Variants in SYNE1 observed in about 807,000 individuals in gnomAD.
SYNE1 encodes nesprin-1.
SYNE1 carries 616 observed loss-of-function variants against 1,111.0 expected under a neutral mutation model. The observed-to-expected ratio is 0.55, with a 90% CI of 0.52 to 0.59. The LOEUF is 0.59. Ranked by LOEUF, SYNE1 falls within the 20% of genes least tolerant of loss-of-function variation. The pLI, the probability that SYNE1 is intolerant of heterozygous loss-of-function variation, is 0.00. For missense variants in SYNE1, 10,006 were observed against 10,417.0 expected, an observed-to-expected ratio of 0.96 and a Z score of 1.72; for synonymous variants, 3,855 against 3,825.8, an observed-to-expected ratio of 1.01 and a Z score of -0.28.
chr6:152,298,466 T>G (rs958241322), intron 93 of SYNE1, among the ~76,000 whole-genome samples: 1 of 152,238 alleles, frequency 6.6e-6, no homozygotes, highest in Non-Finnish European at 1.5e-5. Context: ...TTATTACATT[T>G]TAGCTAATAG....
intron 93 of SYNE1, among the ~76,000 whole-genome samples, chr6:152,294,742 A>G (rs1292559595): frequency 6.6e-6 from 1 of 152,196 alleles, no homozygotes; most frequent in Admixed American, 6.5e-5. Flanking sequence ...AACAAAGTGA[A>G]TGATGAAATA....
At chr6:152,495,052 A>G (rs565147395) in intron 11 of SYNE1, among the ~76,000 whole-genome samples, 1 of 152,126 alleles carries the variant, frequency 6.6e-6, no homozygotes, top group Non-Finnish European at 1.5e-5. Flanking sequence ...ATCGTTTTTC[A>G]TAACCTCTTC....
Position 152,294,146 on chromosome 6 carries a change from G to C in SYNE1, c.17683-19C>G, listed in dbSNP as rs370118458. On this transcript the variant is annotated intron_variant, in intron 93 of 145. Coordinates refer to ENST00000367255, the MANE Select transcript of SYNE1 (RefSeq NM_182961.4). Reference sequence around the variant, plus strand: ...CAATGTCCTGTGAGTGCAAAGCACAGTATTGAATTAAACAAAAAGACAAAG... The same window carrying C: ...CAATGTCCTGTGAGTGCAAAGCACACTATTGAATTAAACAAAAAGACAAAG... 1.9e-6 allele frequency: 3 copies of C among 1,612,106 alleles called. No homozygotes were observed. The highest frequency in any genetic ancestry group is 1.7e-6 in the Non-Finnish European group (2 of 1,179,682).
At chr6:152,433,202 C>T (rs1465328912) in intron 34 of SYNE1, among the ~76,000 whole-genome samples, 1 of 151,864 alleles carries the variant, frequency 6.6e-6, no homozygotes, top group Non-Finnish European at 1.5e-5. Context: ...GCCCATTTTT[C>T]TTCTTGAACT....
chr6:152,409,338 G>T, intron 43 of SYNE1, 112 bp from the exon 44 acceptor site: 1 of 1,144,764 alleles, frequency 8.7e-7, no homozygotes, highest in Non-Finnish European at 1.3e-6. Flanking sequence ...AGAAATTAGT[G>T]ATAGTGAGAT....
intron 101 of SYNE1, among the ~76,000 whole-genome samples, chr6:152,261,572 C>T (rs774510310): frequency 2.6e-5 from 4 of 152,160 alleles, no homozygotes; most frequent in Admixed American, 6.5e-5. Flanking sequence ...GACCCACCAA[C>T]GTCCCAATAT....
In SYNE1 at chr6:152,352,183, G is replaced by C; in HGVS notation, c.11424C>G (p.His3808Gln). 1 of 1,614,158 alleles carries C rather than the reference G, an allele frequency of 6.2e-7. No individual in the cohort carries two copies. The highest frequency in any genetic ancestry group is 2.2e-5 in the East Asian group (1 of 44,886). ...AATGAAGACCTTTTTCCAGCGTCATGTGTTCTTTCCGGACAGTGCTGGTCA... is the reference window on the plus strand; with the variant it reads ...AATGAAGACCTTTTTCCAGCGTCATCTGTTCTTTCCGGACAGTGCTGGTCA... ...KELTSTVRKEHMTLEKGLHLA... is the reference protein window; with the variant it reads ...KELTSTVRKEQMTLEKGLHLA... The change falls in exon 70 of 146, where the codon CAC becomes CAG. Residue 3808 changes from histidine to glutamine, a missense_variant. This residue lies in a region of SYNE1 where 4,955 missense variants were observed against 5,017.2 expected (regional missense o/e 0.99). Transcript: ENST00000367255.
intron 118 of SYNE1, 123 bp from the exon 119 acceptor site, chr6:152,221,169 T>C: frequency 8.6e-7 from 1 of 1,161,522 alleles, no homozygotes; most frequent in Non-Finnish European, 1.2e-6. Context: ...CTAGTTAACA[T>C]AATAAAAATT....
rs1412767332 is a variant in SYNE1, at chr6:152,381,370, G to A, written c.8653-8C>T. On this transcript the variant is annotated splice_polypyrimidine_tract_variant and splice_region_variant and intron_variant, in intron 55 of 145. Coordinates refer to ENST00000367255, the MANE Select transcript of SYNE1 (RefSeq NM_182961.4). ...TCTGGAATCTATCAGCTCCTGTAATGGAATATCACCATGGTAACTGAAGAG... is the reference window on the plus strand; with the variant it reads ...TCTGGAATCTATCAGCTCCTGTAATAGAATATCACCATGGTAACTGAAGAG... 2 of 1,612,142 alleles carry A rather than the reference G, an allele frequency of 1.2e-6. No homozygotes were observed. The highest frequency in any genetic ancestry group is 2.7e-5 in the African/African-American group (2 of 74,904).
At chr6:152,560,218 T>A (rs1010698248) in intron 3 of SYNE1, among the ~76,000 whole-genome samples, 1 of 151,916 alleles carries the variant, frequency 6.6e-6, no homozygotes, top group African/African-American at 2.4e-5. Context: ...ATAAATAAAT[T>A]AGCTGGGTGT....
At position 152,218,326 on chromosome 6, in the gene SYNE1, T is replaced by C. The variant is rs1397713388; in HGVS notation, c.22122A>G (p.Ile7374Met). 6.2e-7 allele frequency: 1 copy of C among 1,614,132 alleles called. No individual in the cohort carries two copies. Among genetic ancestry groups the C allele is most frequent in the South Asian group, 1.1e-5 (1 of 91,082 alleles). Residue 7374 changes from isoleucine to methionine, a missense_variant, in exon 121 of 146, where the codon ATA becomes ATG. Physicochemically the swap from Ile to Met is conservative, Grantham distance 10. Transcript: ENST00000367255. ...AGTGGCTAGGGTCCTGCCCTTGTAG[T>C]ATTTCTTCAGCTTCCACTATCCAGG... ...LEAWIVEAEE[I>M]LQGQDPSHSS... is the part of the protein sequence containing the mutation.
At chr6:152,409,430 A>T in intron 43 of SYNE1, 129 bp downstream of exon 43, 2 of 1,325,904 alleles carry the variant, frequency 1.5e-6, no homozygotes, top group African/African-American at 1.5e-5. Flanking sequence ...GGGGAAAAAA[A>T]GTTGAGCTCA....
chr6:152,453,475 T>G (rs1043847512), intron 25 of SYNE1, 111 bp downstream of exon 25: 10 of 1,532,576 alleles, frequency 6.5e-6, no homozygotes, highest in Non-Finnish European at 9.0e-6. Flanking sequence ...AGCGAAATAG[T>G]TACAGTGACT....
intron 8 of SYNE1, among the ~76,000 whole-genome samples, chr6:152,505,853 T>C (rs2099055419): frequency 6.6e-6 from 1 of 152,204 alleles, no homozygotes; most frequent in African/African-American, 2.4e-5. Flanking sequence ...CTAACACGTT[T>C]CTAATGGGAA....
chr6:152,281,130 G>A (rs1562753018), intron 97 of SYNE1, among the ~76,000 whole-genome samples: 1 of 152,192 alleles, frequency 6.6e-6, no homozygotes, highest in South Asian at 2.1e-4. Flanking sequence ...CTTCACCCAT[G>A]TGCGAAGTCA....
chr6:152,331,563 G>A lies in SYNE1; in HGVS notation c.13122C>T (p.Ser4374=). The change falls in exon 78 of 146, where the codon AGC becomes AGT. Residue 4374 remains serine (S), a synonymous_variant. Transcript: ENST00000367255. ...GGTTCTGAGCCATATCTGGAGGAGGGCTCTGCTTAAGGGCCTCGGCGATGT... is the reference window on the plus strand; with the variant it reads ...GGTTCTGAGCCATATCTGGAGGAGGACTCTGCTTAAGGGCCTCGGCGATGT... The part of the protein sequence containing the change: ...QPNIAEALKQ[S]PPPDMAQNLL... 6.2e-7 allele frequency: 1 copy of A among 1,614,118 alleles called. No individual in the cohort carries two copies. The highest frequency in any genetic ancestry group is 8.5e-7 in the Non-Finnish European group (1 of 1,180,010).
chr6:152,309,080 AG>A (rs2095470193), intron 90 of SYNE1, among the ~76,000 whole-genome samples: 2 of 152,174 alleles, frequency 1.3e-5, no homozygotes, highest in South Asian at 4.1e-4. Context: ...GCACTTTTGG[AG>A]GCCAAGGTGG....
At chr6:152,398,504 A>G in intron 49 of SYNE1, 115 bp downstream of exon 49, 1 of 835,472 alleles carries the variant, frequency 1.2e-6, no homozygotes, top group Non-Finnish European at 2.1e-6. Context: ...TAATTCTGTT[A>G]GGGACGAGGA....
Position 152,512,616 on chromosome 6 carries a change from C to T in SYNE1, c.310-1513G>A, listed in dbSNP as rs2099090688. On this transcript the variant is annotated intron_variant, in intron 6 of 145. Coordinates refer to ENST00000367255, the MANE Select transcript of SYNE1 (RefSeq NM_182961.4). ...TGCTATTGAATATAATTTGATTATCCTACCTCGACCCAGTTCCAATTGTAC... is the reference window on the plus strand; with the variant it reads ...TGCTATTGAATATAATTTGATTATCTTACCTCGACCCAGTTCCAATTGTAC... Among the ~76,000 whole-genome samples the T allele has an allele frequency of 2.0e-5, 3 of 152,226 alleles. No homozygotes were observed. In the South Asian group the frequency reaches 6.2e-4, roughly 32 times the overall value.
Sources: gnomAD v4.1 joint callset for allele counts (sites outside exome capture counted in the v4.1 genomes callset) on GRCh38, gnomAD v4.1.1 for gene constraint, gnomAD v4.1.1 regional missense constraint, MANE v1.5 for transcripts, NCBI Gene and HGNC (gene_info 2026-07-23, HGNC 2026-07-21) for gene names.